The following PPIF variants were observed in gnomAD, a reference collection of about 807,000 sequenced individuals.
PPIF encodes the protein peptidylprolyl isomerase F, also known as peptidyl-prolyl cis-trans isomerase F, mitochondrial.
Under a neutral mutation model 20.2 loss-of-function variants are expected in PPIF, and 23 were observed. The observed-to-expected ratio is 1.14, with a 90% CI of 0.82 to 1.61. The LOEUF (loss-of-function observed/expected upper bound fraction) is 1.61, where lower values mean the gene tolerates loss of function less well. Ranked by LOEUF, PPIF falls within the 40% of genes most tolerant of loss-of-function variation. The probability of loss-of-function intolerance (pLI) is 0.00; values close to 1 mark genes in which losing one functional copy is unlikely to be tolerated. For missense variants in PPIF, 287 were observed against 291.6 expected, an observed-to-expected ratio of 0.98 and a Z score of 0.11; for synonymous variants, 113 against 123.1, an observed-to-expected ratio of 0.92 and a Z score of 0.54.
At chr10:79,348,862 C>T (rs1855937725) in intron 1 of PPIF, among the ~76,000 whole-genome samples, 1 of 152,220 alleles carries the variant, frequency 6.6e-6, no homozygotes, top group Non-Finnish European at 1.5e-5. Flanking sequence ...ATTAGGAAAC[C>T]AAGGCCACCT....
At position 79,355,238 on chromosome 10, in the gene PPIF, C is replaced by T. The variant is rs1339103308; in HGVS notation, c.*1396C>T. On this transcript the variant is annotated 3_prime_UTR_variant, in exon 6 of 6. Transcript: ENST00000225174. The stretch of plus-strand genomic sequence containing the variant: ...CTTCACCTTTTGCCATGGTCATAAG[C>T]TTCCTGAGGCCTCCCTGGAAGCTGA... 1 of 152,210 alleles carries T rather than the reference C, an allele frequency of 6.6e-6. No homozygotes were observed. The highest frequency in any genetic ancestry group is 2.4e-5 in the African/African-American group (1 of 41,448). 9.4% of individuals were successfully genotyped at this position (152,210 alleles called of 1,614,324 possible).
intron 1 of PPIF, among the ~76,000 whole-genome samples, chr10:79,348,736 A>G (rs951929665): frequency 1.3e-5 from 2 of 152,040 alleles, no homozygotes; most frequent in Admixed American, 6.5e-5. Context: ...TCTGGCTTCT[A>G]CCTTAGACAC....
chr10:79,348,223 G>A (rs1009767979), intron 1 of PPIF, among the ~76,000 whole-genome samples: 4 of 152,272 alleles, frequency 2.6e-5, no homozygotes, highest in African/African-American at 9.6e-5. Context: ...GAAATGGAGC[G>A]AGAGGTGGTT....
At position 79,355,216 on chromosome 10, in the gene PPIF, C is replaced by T. The variant is rs1326693199; in HGVS notation, c.*1374C>T. 1 of 152,210 alleles carries T rather than the reference C, an allele frequency of 6.6e-6. No homozygotes were observed. Among genetic ancestry groups the T allele is most frequent in the Non-Finnish European group, 1.5e-5 (1 of 68,050 alleles). 9.4% of individuals were successfully genotyped at this position (152,210 alleles called of 1,614,324 possible). On this transcript the variant is annotated 3_prime_UTR_variant, in exon 6 of 6. Transcript: ENST00000225174. ...CCATGTGACATGCCTGATCCCCCTT[C>T]ACCTTTTGCCATGGTCATAAGCTTC...
rs201670150 is a variant in PPIF at position 79,351,552 on chromosome 10, C to A, written c.381C>A (p.Asp127Glu). 1 of 1,614,138 alleles carries A rather than the reference C, an allele frequency of 6.2e-7. No individual in the cohort carries two copies. Among genetic ancestry groups the A allele is most frequent in the Admixed American group, 1.7e-5 (1 of 60,034 alleles). Reference protein sequence around the residue: ...GKSIYGSRFPDENFTLKHVGP... With the variant: ...GKSIYGSRFPEENFTLKHVGP... The stretch of plus-strand genomic sequence containing the variant: ...CCATCTACGGAAGCCGCTTTCCTGA[C>A]GAGAACTTTACACTGAAGCACGTGG... Residue 127 changes from aspartate (D) to glutamate (E), a missense_variant, in exon 4 of 6, where the codon GAC becomes GAA. Physicochemically the swap from Asp to Glu is conservative, Grantham distance 45. Transcript: ENST00000225174.
chr10:79,351,665 A>T, intron 4 of PPIF, 82 bp downstream of exon 4: 1 of 1,281,416 alleles, frequency 7.8e-7, no homozygotes, highest in South Asian at 1.3e-5. Context: ...GAGAGGCCAC[A>T]TGCAGTCACC....
Position 79,349,199 on chromosome 10 carries a change from C to T in PPIF, c.226+93C>T, listed in dbSNP as rs546042932. The stretch of plus-strand genomic sequence containing the variant: ...TGGCGTGATGAGAAGAGTCGGGGCT[C>T]AGAGACCCCTGACAGATGGGAGCTC... On this transcript the variant is annotated intron_variant, in intron 2 of 5. Coordinates refer to ENST00000225174, the MANE Select transcript of PPIF (RefSeq NM_005729.4). 67 of 1,609,794 alleles carry T rather than the reference C, an allele frequency of 4.2e-5. No individual in the cohort carries two copies. The African/African-American group carries it at 6.5e-4, about 16-fold the overall frequency.
At chr10:79,352,174 C>T (rs1855990711) in intron 4 of PPIF, 143 bp from the exon 5 acceptor site, 4 of 699,812 alleles carry the variant, frequency 5.7e-6, no homozygotes, top group South Asian at 1.8e-5. Context: ...GGGCTGGTAT[C>T]GGGCCCTGGT....
At chr10:79,353,574 G>C (rs529807030) in intron 5 of PPIF, 133 bp from the exon 6 acceptor site, 3 of 1,505,034 alleles carry the variant, frequency 2.0e-6, no homozygotes, top group African/African-American at 2.8e-5. Context: ...TCGAGCTTTG[G>C]GGGTAGATCT....
chr10:79,352,064 G>C (rs573342160), intron 4 of PPIF, among the ~76,000 whole-genome samples: 1 of 152,262 alleles, frequency 6.6e-6, no homozygotes, highest in East Asian at 1.9e-4. Context: ...CCTGCCCCAG[G>C]TCCCGCCCCA....
In PPIF at chr10:79,355,038, G is replaced by T. The variant is rs1368278798; in HGVS notation, c.*1196G>T. On this transcript the variant is annotated 3_prime_UTR_variant, in exon 6 of 6. Coordinates refer to ENST00000225174, the MANE Select transcript of PPIF (RefSeq NM_005729.4). ...ATCTCATGTTGAACTGTAATCCCCAGTGCTGGAGGTGGGGCCTGCTACGAG... is the reference window on the plus strand; with the variant it reads ...ATCTCATGTTGAACTGTAATCCCCATTGCTGGAGGTGGGGCCTGCTACGAG... 2.6e-5 allele frequency: 4 copies of T among 152,356 alleles called. No individual in the cohort carries two copies. Among genetic ancestry groups the T allele is most frequent in the African/African-American group, 4.8e-5 (2 of 41,446 alleles). 9.4% of individuals were successfully genotyped at this position (152,356 alleles called of 1,614,324 possible).
intron 4 of PPIF, 45 bp downstream of exon 4, chr10:79,351,628 C>T (rs376405927): frequency 8.2e-6 from 13 of 1,579,284 alleles, no homozygotes; most frequent in South Asian, 7.8e-5. Context: ...ACAGCTCTGA[C>T]CTGGCCTGGA....
intron 5 of PPIF, among the ~76,000 whole-genome samples, chr10:79,353,179 C>G (rs1856003683): frequency 6.6e-6 from 1 of 152,230 alleles, no homozygotes; most frequent in Admixed American, 6.5e-5. Flanking sequence ...TCATGGGACC[C>G]CAGTGGATCC....
At chr10:79,353,195 T>G (rs1445317919) in intron 5 of PPIF, among the ~76,000 whole-genome samples, 1 of 152,232 alleles carries the variant, frequency 6.6e-6, no homozygotes, top group Non-Finnish European at 1.5e-5. Context: ...GATCCTGCAG[T>G]TCTGCTCTTG....
At chr10:79,350,151 A>G in intron 3 of PPIF, 1 of 210,702 alleles carries the variant, frequency 4.7e-6, no homozygotes. Flanking sequence ...GAGGAGGCGG[A>G]GGAGGAAGAC....
At position 79,354,533 on chromosome 10, in the gene PPIF, T is replaced by G. The variant is rs1004094138; in HGVS notation, c.*691T>G. 6.5e-6 allele frequency: 1 copy of G among 152,904 alleles called. No individual in the cohort carries two copies. Among genetic ancestry groups the G allele is most frequent in the Non-Finnish European group, 1.5e-5 (1 of 68,126 alleles). The allele number at this position is 152,904 out of a possible 1,614,324, so 9.5% of individuals were successfully genotyped here. ...GCTGTGCCTAGACAATGTGAATTCCTGTGTTGCTAACAGAAGTGGCCTGTA... is the reference window on the plus strand; with the variant it reads ...GCTGTGCCTAGACAATGTGAATTCCGGTGTTGCTAACAGAAGTGGCCTGTA... On this transcript the variant is annotated 3_prime_UTR_variant, in exon 6 of 6. Coordinates refer to ENST00000225174, the MANE Select transcript of PPIF (RefSeq NM_005729.4).
Position 79,347,473 on chromosome 10 carries a change from G to A in PPIF, c.-76G>A. On this transcript the variant is annotated 5_prime_UTR_variant, in exon 1 of 6. Transcript: ENST00000225174. ...TGCGGCGCGCGGCTGCGCGGGACTC[G>A]GCCTTCTGGGCGCGCGCGACGTCAG... 1.6e-6 allele frequency: 2 copies of A among 1,249,174 alleles called. No individual in the cohort carries two copies. The highest frequency in any genetic ancestry group is 2.0e-6 in the Non-Finnish European group (2 of 997,274). 77.4% of individuals were successfully genotyped at this position (1,249,174 alleles called of 1,614,324 possible).
At chr10:79,349,547 C>A in intron 2 of PPIF, 118 bp from the exon 3 acceptor site, 1 of 1,508,826 alleles carries the variant, frequency 6.6e-7, no homozygotes. Context: ...AAGAGGTGGG[C>A]CAGAGTCTTT....
In PPIF at chr10:79,354,074, G is replaced by A. The variant is rs538540674; in HGVS notation, c.*232G>A. The A allele has an allele frequency of 1.4e-5, 8 of 551,764 alleles. No individual in the cohort carries two copies. The Middle Eastern group carries it at 1.5e-3, about 101-fold the overall frequency. The allele number at this position is 551,764 out of a possible 1,614,324, so 34.2% of individuals were successfully genotyped here. A position where few individuals can be genotyped will look rare whatever the true frequency, so the allele number is the denominator to read the frequency against. ...TTCTGGGCATCTTTGTGGACATGATGTCACCCACCCCTTGTCAAGCATTGC... is the reference window on the plus strand; with the variant it reads ...TTCTGGGCATCTTTGTGGACATGATATCACCCACCCCTTGTCAAGCATTGC... On this transcript the variant is annotated 3_prime_UTR_variant, in exon 6 of 6. Transcript: ENST00000225174.
Sources: allele counts gnomAD v4.1 joint callset (sites outside exome capture counted in the v4.1 genomes callset), GRCh38; gene constraint gnomAD v4.1.1; transcripts MANE v1.5; gene names NCBI Gene and HGNC (gene_info 2026-07-23, HGNC 2026-07-21).